Variants in KIF1A observed in about 807,000 individuals in gnomAD.
KIF1A encodes kinesin-like protein KIF1A.
In KIF1A, 46 loss-of-function variants were observed where a neutral mutation model predicts 227.3. That is an observed-to-expected ratio of 0.20 (90% CI 0.16 to 0.26). The LOEUF (loss-of-function observed/expected upper bound fraction) is 0.26. KIF1A is among the 10% of genes least tolerant of loss of function. KIF1A has a pLI of 1.00. For synonymous variants in KIF1A, 1,022 were observed against 1,012.8 expected (o/e 1.01, Z -0.17); for missense variants, 1,683 against 2,485.9 (o/e 0.68, Z 6.87).
At position 240,746,106 on chromosome 2, in the gene KIF1A, C is replaced by A; in HGVS notation, c.3135G>T (p.Val1045=). The change falls in exon 30 of 49, where the codon GTG becomes GTT. Residue 1045 remains valine (V), a synonymous_variant. Coordinates refer to ENST00000498729, the MANE Select transcript of KIF1A (RefSeq NM_001244008.2). ...SGTSQEELRI[V]EGQGQGADVG... ...CGTCTGCACCCTGGCCCTGGCCCTC[C>A]ACGATGCGAAGCTCTTCCTGGGAGG... The A allele has an allele frequency of 6.3e-7, 1 of 1,584,812 alleles. No homozygotes were observed. Among genetic ancestry groups the A allele is most frequent in the African/African-American group, 1.3e-5 (1 of 74,426 alleles).
At chr2:240,771,940 C>T (rs745455458) in intron 14 of KIF1A, among the ~76,000 whole-genome samples, 16 of 152,180 alleles carry the variant, frequency 1.1e-4, no homozygotes, top group Admixed American at 1.0e-3. Context: ...GCAGCAAGCA[C>T]GGGACCACAC....
intron 10 of KIF1A, among the ~76,000 whole-genome samples, chr2:240,776,247 C>T (rs1254636379): frequency 6.6e-6 from 1 of 152,230 alleles, no homozygotes; most frequent in Non-Finnish European, 1.5e-5. Context: ...GCAAGTGTGT[C>T]CTCCCTCCAC....
In KIF1A at chr2:240,769,148, T is replaced by A. The variant is rs1314482134; in HGVS notation, c.1482A>T (p.Val494=). 4 of 1,610,504 alleles carry A rather than the reference T, an allele frequency of 2.5e-6. No individual in the cohort carries two copies. In the African/African-American group the frequency reaches 4.0e-5, roughly 16 times the overall value. The change falls in exon 17 of 49, where the codon GTA becomes GTT. Residue 494 remains valine, a synonymous_variant. Coordinates refer to ENST00000498729, the MANE Select transcript of KIF1A (RefSeq NM_001244008.2). ...AMREDGGTLG[V]FSPKKTPHLV... ...TAGCTCCTACCTTTTTGGGAGAGAA[T>A]ACGCCCAAGGTGCCGCCATCCTCCC...
intron 38 of KIF1A, among the ~76,000 whole-genome samples, chr2:240,730,619 C>T (rs1276210531): frequency 6.6e-6 from 1 of 152,230 alleles, no homozygotes; most frequent in Non-Finnish European, 1.5e-5. Context: ...AGGGCTGACC[C>T]TCCTCGCCCG....
intron 1 of KIF1A, among the ~76,000 whole-genome samples, chr2:240,806,033 A>T (rs1166097414): frequency 1.3e-5 from 2 of 152,220 alleles, no homozygotes; most frequent in Admixed American, 6.5e-5. Context: ...GACAAAATAT[A>T]CGAAAATACT....
chr2:240,776,749 C>T (rs1334232348), intron 10 of KIF1A, among the ~76,000 whole-genome samples: 2 of 152,220 alleles, frequency 1.3e-5, no homozygotes, highest in African/African-American at 4.8e-5. Flanking sequence ...GACCCTGGAG[C>T]CTGCACCCCA....
At chr2:240,750,283 G>T (rs1360555718) in intron 28 of KIF1A, 146 bp downstream of exon 28, 2 of 630,540 alleles carry the variant, frequency 3.2e-6, no homozygotes, top group Non-Finnish European at 5.6e-6. Context: ...TGACCCCAGG[G>T]AGAGTGGAGG....
chr2:240,762,884 T>A, intron 22 of KIF1A, 72 bp from the exon 23 acceptor site: 1 of 1,448,632 alleles, frequency 6.9e-7, no homozygotes, highest in Non-Finnish European at 9.4e-7. Context: ...GCCTAGACAG[T>A]GGGCCTCACC....
intron 32 of KIF1A, among the ~76,000 whole-genome samples, chr2:240,744,643 G>A (rs1450449645): frequency 1.1e-4 from 17 of 152,208 alleles, no homozygotes; most frequent in Admixed American, 6.5e-5. Flanking sequence ...GGAAGAGGCG[G>A]CTGTTCTATA....
At chr2:240,783,924 G>A (rs1038613760) in intron 7 of KIF1A, 108 bp from the exon 8 acceptor site, 11 of 857,524 alleles carry the variant, frequency 1.3e-5, no homozygotes, top group African/African-American at 5.0e-5. Flanking sequence ...CTGGCCAAGC[G>A]TCCCCTCTGC....
intron 6 of KIF1A, 81 bp from the exon 7 acceptor site, chr2:240,785,181 C>T: frequency 8.4e-7 from 1 of 1,185,596 alleles, no homozygotes; most frequent in Non-Finnish European, 1.2e-6. Flanking sequence ...GCCCTCTGAA[C>T]CAGGTCATCG....
At chr2:240,779,565 C>A (rs1214958707) in intron 10 of KIF1A, among the ~76,000 whole-genome samples, 1 of 151,130 alleles carries the variant, frequency 6.6e-6, no homozygotes, top group South Asian at 2.1e-4. Context: ...CAGTTCCTCA[C>A]TCAGTTCCTC....
Position 240,725,224 on chromosome 2 carries a change from C to G in KIF1A, c.4256+47G>C. 1 of 1,559,950 alleles carries G rather than the reference C, an allele frequency of 6.4e-7. No homozygotes were observed. Among genetic ancestry groups the G allele is most frequent in the Non-Finnish European group, 8.7e-7 (1 of 1,152,888 alleles). On this transcript the variant is annotated intron_variant, in intron 40 of 48. Coordinates refer to ENST00000498729, the MANE Select transcript of KIF1A (RefSeq NM_001244008.2). This position sits in a 1 kb window ranked among gnomAD's most constrained non-coding sequence, Gnocchi z 5.8. ...AGGCAGAGCCCTGCCTGGCCCGCAC[C>G]GAGACCAGGGTGGGAGTCCATGTGG...
At chr2:240,771,197 A>T in intron 14 of KIF1A, 93 bp from the exon 15 acceptor site, 6 of 1,467,014 alleles carry the variant, frequency 4.1e-6, no homozygotes, top group Non-Finnish European at 5.7e-6. Flanking sequence ...GAGGAGGGGT[A>T]GGGCGGGCAG....
In KIF1A at chr2:240,758,318, TCTCA is replaced by T. The variant is rs1313381912; in HGVS notation, c.2582+38_2582+41del. On this transcript the variant is annotated intron_variant, in intron 26 of 48. Coordinates refer to ENST00000498729, the MANE Select transcript of KIF1A (RefSeq NM_001244008.2). This position sits in a 1 kb window ranked among gnomAD's most constrained non-coding sequence, Gnocchi z 5.2. ...TCCTACCCCCACTGCCATCTCTCTC[TCTCA>T]ATCTCTCTCTCTGCCAAGGAAGGGA... 7 of 1,588,688 alleles carry T rather than the reference TCTCA, an allele frequency of 4.4e-6. No homozygotes were observed. In the Admixed American group the frequency reaches 1.2e-4, roughly 27 times the overall value.
intron 48 of KIF1A, 28 bp from the exon 49 acceptor site, chr2:240,717,434 G>T (rs1173659477): frequency 6.2e-7 from 1 of 1,606,622 alleles, no homozygotes; most frequent in Admixed American, 1.7e-5. Context: ...GAGGCGGCGT[G>T]GTCAGGCCAG....
At chr2:240,761,168 G>C (rs969952789) in intron 24 of KIF1A, 61 bp downstream of exon 24, 1 of 1,537,434 alleles carries the variant, frequency 6.5e-7, no homozygotes, top group Admixed American at 1.8e-5. Context: ...AGCTGTCCCC[G>C]TCATGAGTGA....
chr2:240,786,646 A>C, intron 5 of KIF1A, 133 bp from the exon 6 acceptor site: 1 of 641,882 alleles, frequency 1.6e-6, no homozygotes, highest in Non-Finnish European at 2.5e-6. Context: ...CGCCATCAGG[A>C]CCCCTGAGTG....
chr2:240,743,872 G>T, intron 33 of KIF1A, 70 bp downstream of exon 33: 7 of 1,060,026 alleles, frequency 6.6e-6, no homozygotes, highest in Non-Finnish European at 1.0e-5. Context: ...CCTCAAGACA[G>T]CTGGATGAAA....
Sources: allele counts gnomAD v4.1 joint callset (sites outside exome capture counted in the v4.1 genomes callset), GRCh38; gene constraint gnomAD v4.1.1; non-coding constraint Gnocchi (gnomAD v3.1); transcripts MANE v1.5; gene names NCBI Gene and HGNC (gene_info 2026-07-23, HGNC 2026-07-21).